The following TMEM132D variants were observed in gnomAD, a reference collection of about 807,000 sequenced individuals.
The protein encoded by TMEM132D is mature OL transmembrane protein.
In TMEM132D, 21 loss-of-function variants were observed where a neutral mutation model predicts 62.3. That is an observed-to-expected ratio of 0.34 (90% confidence interval 0.24 to 0.49). The LOEUF is 0.49. Among genes scored for constraint, TMEM132D ranks in the 20% least tolerant of loss-of-function variants. The probability of loss-of-function intolerance (pLI) is 0.99; values close to 1 mark genes in which losing one functional copy is unlikely to be tolerated. For missense variants in TMEM132D, 1,346 were observed against 1,402.8 expected (o/e 0.96, Z 0.65); for synonymous variants, 621 against 575.6 (o/e 1.08, Z -1.13).
intron 1 of TMEM132D, among the ~76,000 whole-genome samples, chr12:129,884,138 C>T (rs1874685565): frequency 6.6e-6 from 1 of 152,122 alleles, no homozygotes; most frequent in South Asian, 2.1e-4. Context: ...CACTATGTTG[C>T]CCAAAATGAC....
At chr12:129,691,815 T>G (rs1351959683) in intron 2 of TMEM132D, among the ~76,000 whole-genome samples, 1 of 152,010 alleles carries the variant, frequency 6.6e-6, no homozygotes, top group African/African-American at 2.4e-5. Context: ...TAATACTAAA[T>G]ACAGCAGCTA....
At chr12:129,396,926 C>T (rs2135697800) in intron 3 of TMEM132D, among the ~76,000 whole-genome samples, 1 of 152,166 alleles carries the variant, frequency 6.6e-6, no homozygotes, top group Non-Finnish European at 1.5e-5. Context: ...GACAATGTAT[C>T]CAAGAAGTAT....
chr12:129,178,788 G>A (rs1176791671), intron 5 of TMEM132D, among the ~76,000 whole-genome samples: 1 of 152,128 alleles, frequency 6.6e-6, no homozygotes, highest in Non-Finnish European at 1.5e-5. Flanking sequence ...TTGCAACCAG[G>A]AGCTTTACTG....
chr12:129,244,103 C>T (rs1278536768), intron 4 of TMEM132D, among the ~76,000 whole-genome samples: 4 of 152,058 alleles, frequency 2.6e-5, no homozygotes, highest in Non-Finnish European at 2.9e-5. Flanking sequence ...AAAATTATTC[C>T]GGCCGGGTGC....
chr12:129,192,758 CAGAT>C (rs929133499), intron 5 of TMEM132D, among the ~76,000 whole-genome samples: 3 of 152,162 alleles, frequency 2.0e-5, no homozygotes, highest in Non-Finnish European at 4.4e-5. Flanking sequence ...GTTGCACACT[CAGAT>C]ACATTTTAAC....
At chr12:129,549,389 C>G (rs1391515969) in intron 2 of TMEM132D, among the ~76,000 whole-genome samples, 2 of 151,790 alleles carry the variant, frequency 1.3e-5, no homozygotes, top group Non-Finnish European at 2.9e-5. Context: ...TGGGAAGGAC[C>G]TGGTGGGAGA....
chr12:129,556,544 C>A (rs78345093), intron 2 of TMEM132D, among the ~76,000 whole-genome samples: 386 of 152,080 alleles, frequency 2.5e-3, no homozygotes, highest in African/African-American at 8.9e-3. Context: ...TAGAAAAAAC[C>A]TCAAATACTA....
intron 4 of TMEM132D, among the ~76,000 whole-genome samples, chr12:129,315,935 T>A (rs991017265): frequency 2.0e-5 from 3 of 152,200 alleles, no homozygotes; most frequent in Admixed American, 6.5e-5. Context: ...CGTAAAGGTG[T>A]TCATAGTAAC....
chr12:129,551,033 T>C (rs1876879688), intron 2 of TMEM132D, among the ~76,000 whole-genome samples: 1 of 152,174 alleles, frequency 6.6e-6, no homozygotes, highest in Non-Finnish European at 1.5e-5. Flanking sequence ...CACCACAAAG[T>C]AGTGCCATGA....
At chr12:129,498,816 G>T (rs1875041112) in intron 3 of TMEM132D, among the ~76,000 whole-genome samples, 1 of 152,122 alleles carries the variant, frequency 6.6e-6, no homozygotes. Context: ...TGAGAATATA[G>T]GACTACTACA....
intron 1 of TMEM132D, among the ~76,000 whole-genome samples, chr12:129,791,217 T>G (rs1008840359): frequency 2.6e-5 from 4 of 152,190 alleles, no homozygotes; most frequent in African/African-American, 9.6e-5. Flanking sequence ...AGGTCCTATC[T>G]CATTAGAATC....
intron 2 of TMEM132D, among the ~76,000 whole-genome samples, chr12:129,531,995 G>T (rs1876239761): frequency 6.6e-6 from 1 of 152,146 alleles, no homozygotes; most frequent in Non-Finnish European, 1.5e-5. Context: ...GGCGGAGGCT[G>T]CAGTGAGCTG....
At chr12:129,440,880 G>A (rs1234636578) in intron 3 of TMEM132D, among the ~76,000 whole-genome samples, 1 of 152,214 alleles carries the variant, frequency 6.6e-6, no homozygotes, top group Non-Finnish European at 1.5e-5. Flanking sequence ...GTGGATGTTT[G>A]CAACAGAAAT....
chr12:129,290,162 T>C (rs767181489), intron 4 of TMEM132D, among the ~76,000 whole-genome samples: 30 of 152,200 alleles, frequency 2.0e-4, no homozygotes, highest in Non-Finnish European at 4.0e-4. Context: ...TCAACTTATT[T>C]TAAAATGAAA....
intron 3 of TMEM132D, among the ~76,000 whole-genome samples, chr12:129,492,558 A>T (rs1874827959): frequency 6.6e-6 from 1 of 152,094 alleles, no homozygotes; most frequent in Non-Finnish European, 1.5e-5. Flanking sequence ...GAGTAATAAC[A>T]TCTTGTAATT....
intron 4 of TMEM132D, among the ~76,000 whole-genome samples, chr12:129,228,213 A>G (rs1000640118): frequency 1.3e-5 from 2 of 152,164 alleles, no homozygotes; most frequent in Non-Finnish European, 2.9e-5. Flanking sequence ...TAGCGGGATG[A>G]GTCCAGTAAT....
intron 5 of TMEM132D, among the ~76,000 whole-genome samples, chr12:129,087,377 A>G (rs956923601): frequency 2.6e-5 from 4 of 151,550 alleles, no homozygotes; most frequent in Non-Finnish European, 5.9e-5. Context: ...TCATCCACTG[A>G]GAGACACTTA....
intron 2 of TMEM132D, among the ~76,000 whole-genome samples, chr12:129,634,312 TA>T (rs11310650): frequency 0.39 from 57,241 of 147,668 alleles, 11,027 homozygotes; most frequent in East Asian, 0.48. Context: ...GTCTATACGT[TA>T]AAAAAAAAAA....
intron 8 of TMEM132D, 49 bp downstream of exon 8, chr12:129,078,485 C>A (rs2135610757): frequency 6.4e-7 from 1 of 1,573,728 alleles, no homozygotes; most frequent in South Asian, 1.1e-5. Flanking sequence ...GTGTGTGATC[C>A]ACTTGGTGAG....
Sources: gnomAD v4.1 joint callset for allele counts (sites outside exome capture counted in the v4.1 genomes callset) on GRCh38, gnomAD v4.1.1 for gene constraint, MANE v1.5 for transcripts, NCBI Gene and HGNC (gene_info 2026-07-23, HGNC 2026-07-21) for gene names.